The following SLC37A1 variants were observed in gnomAD, a reference collection of about 807,000 sequenced individuals.
The protein encoded by SLC37A1 is glucose-6-phosphate exchanger SLC37A1.
SLC37A1 carries 49 observed loss-of-function variants against 75.3 expected under a neutral mutation model. The observed-to-expected ratio is 0.65, with a 90% confidence interval of 0.52 to 0.83. SLC37A1 has a LOEUF of 0.83. Ranked by LOEUF, SLC37A1 falls within the 40% of genes least tolerant of loss-of-function variation. The pLI is 0.00. For missense variants in SLC37A1, 566 were observed against 695.0 expected (o/e 0.81, Z 2.09); for synonymous variants, 268 against 292.1 (o/e 0.92, Z 0.84).
At chr21:42,535,414 T>C in intron 4 of SLC37A1, 58 bp from the exon 5 acceptor site, 2 of 1,446,416 alleles carry the variant, frequency 1.4e-6, no homozygotes, top group South Asian at 1.1e-5. Context: ...ATAGCCGTGC[T>C]CTAGAACATA....
chr21:42,522,873 T>C (rs2146736548), intron 2 of SLC37A1, among the ~76,000 whole-genome samples: 1 of 152,372 alleles, frequency 6.6e-6, no homozygotes, highest in South Asian at 2.1e-4. Context: ...TGCTCCTCAG[T>C]GTTCTCAGGG....
At chr21:42,507,635 A>G (rs2054396155) in intron 2 of SLC37A1, among the ~76,000 whole-genome samples, 1 of 152,238 alleles carries the variant, frequency 6.6e-6, no homozygotes, top group Non-Finnish European at 1.5e-5. Context: ...AACAAGAAGC[A>G]TGGCACCAGC....
At chr21:42,568,574 A>G (rs1229426309) in intron 17 of SLC37A1, 136 bp downstream of exon 17, 2 of 828,710 alleles carry the variant, frequency 2.4e-6, no homozygotes, top group South Asian at 3.1e-5. Flanking sequence ...ATACGAGCAG[A>G]TGAGCAGGGG....
intron 1 of SLC37A1, among the ~76,000 whole-genome samples, chr21:42,501,422 T>C (rs1376432718): frequency 1.3e-5 from 2 of 152,038 alleles, no homozygotes; most frequent in African/African-American, 4.8e-5. Flanking sequence ...TTAAAAAAAT[T>C]TACCAGGGCC....
chr21:42,513,013 C>T (rs113965779), upstream of SLC37A1, among the ~76,000 whole-genome samples: 126 of 152,298 alleles, frequency 8.3e-4, 1 homozygote, highest in African/African-American at 2.8e-3. Context: ...TGGTTTTATC[C>T]TTAAACATTG....
chr21:42,566,396 G>A (rs560436917), intron 15 of SLC37A1, among the ~76,000 whole-genome samples: 3 of 152,258 alleles, frequency 2.0e-5, no homozygotes, highest in East Asian at 1.9e-4. Flanking sequence ...CTCCAGGAGC[G>A]GTTGCGTAAC....
intron 11 of SLC37A1, among the ~76,000 whole-genome samples, chr21:42,560,739 G>A (rs551299426): frequency 6.6e-6 from 1 of 152,358 alleles, no homozygotes; most frequent in African/African-American, 2.4e-5. Context: ...CTGGGTTTAA[G>A]TAAAAAGATT....
chr21:42,562,012 T>C, intron 11 of SLC37A1, 66 bp from the exon 12 acceptor site: 1 of 1,307,572 alleles, frequency 7.6e-7, no homozygotes, highest in South Asian at 1.2e-5. Context: ...TTTAACTCTG[T>C]TGCATGTTTA....
rs971928190 is a variant in SLC37A1 at position 42,525,842 on chromosome 21, T to A, written c.123T>A (p.Pro41=). Reference sequence around the variant, plus strand: ...CAAGTTTTCACTTATCTCGAAAGCCTATCAGCATAGTTAAGGTAAGAATCA... The same window carrying A: ...CAAGTTTTCACTTATCTCGAAAGCCAATCAGCATAGTTAAGGTAAGAATCA... The part of the protein sequence containing the change: ...LYASFHLSRK[P]ISIVKGELHK... Residue 41 remains proline (P), a synonymous_variant, in exon 3 of 20, where the codon CCT becomes CCA. Coordinates refer to ENST00000352133, the MANE Select transcript of SLC37A1 (RefSeq NM_001320537.2). The A allele has an allele frequency of 9.3e-6, 15 of 1,613,684 alleles. No individual in the cohort carries two copies. The highest frequency in any genetic ancestry group is 1.3e-5 in the Non-Finnish European group (15 of 1,179,586).
At chr21:42,571,999 G>T (rs1295783292) in intron 17 of SLC37A1, among the ~76,000 whole-genome samples, 1 of 152,142 alleles carries the variant, frequency 6.6e-6, no homozygotes, top group Non-Finnish European at 1.5e-5. Flanking sequence ...TAGCAGTCTA[G>T]ACCCCTGTTT....
At chr21:42,542,505 A>C (rs2055309000) in intron 7 of SLC37A1, 25 bp downstream of exon 7, 1 of 1,612,676 alleles carries the variant, frequency 6.2e-7, no homozygotes, top group Non-Finnish European at 8.5e-7. Flanking sequence ...CCCTGTTTCC[A>C]ATAGCAGATG....
In SLC37A1 at chr21:42,543,591, T is replaced by G. The variant is rs1245396523; in HGVS notation, c.719T>G (p.Phe240Cys). 3.1e-6 allele frequency: 5 copies of G among 1,602,740 alleles called. No individual in the cohort carries two copies. The highest frequency in any genetic ancestry group is 4.3e-6 in the Non-Finnish European group (5 of 1,173,576). Residue 240 changes from phenylalanine (F) to cysteine (C), a missense_variant, in exon 8 of 20, where the codon TTC (phenylalanine) becomes TGC (cysteine). Coordinates refer to ENST00000352133, the MANE Select transcript of SLC37A1 (RefSeq NM_001320537.2). Reference sequence around the variant, plus strand: ...GCCATGGGGATAGTGTGCTTTCTCTTCCTCATTGAACGTAAGTGCACGTGG... The same window carrying G: ...GCCATGGGGATAGTGTGCTTTCTCTGCCTCATTGAACGTAAGTGCACGTGG... ...VAAMGIVCFL[F>C]LIEHPNDVRC... is the part of the protein sequence containing the mutation.
At chr21:42,503,739 T>A (rs951044627) in intron 2 of SLC37A1, among the ~76,000 whole-genome samples, 1 of 152,170 alleles carries the variant, frequency 6.6e-6, no homozygotes, top group African/African-American at 2.4e-5. Context: ...AATTATCTAG[T>A]TACTAGGACA....
intron 12 of SLC37A1, 120 bp from the exon 13 acceptor site, chr21:42,563,695 C>T (rs888390993): frequency 1.7e-5 from 14 of 808,138 alleles, no homozygotes; most frequent in African/African-American, 3.4e-5. Flanking sequence ...AATTGCTCCT[C>T]GGTATAAATC....
chr21:42,559,035 G>A lies in SLC37A1; in HGVS notation c.927G>A (p.Gly309=). 1 of 1,613,812 alleles carries A rather than the reference G, an allele frequency of 6.2e-7. No homozygotes were observed. The highest frequency in any genetic ancestry group is 8.5e-7 in the Non-Finnish European group (1 of 1,179,916). The part of the protein sequence containing the change: ...IHPNHVVILP[G]DGGSGTAAIS... The stretch of plus-strand genomic sequence containing the variant: ...CGAACCACGTCGTCATTCTCCCCGG[G>A]GACGGTGGGAGTGGCACGGCCGCCA... The change falls in exon 11 of 20, where the codon GGG becomes GGA. Residue 309 remains glycine (G), a synonymous_variant. Coordinates refer to ENST00000352133, the MANE Select transcript of SLC37A1 (RefSeq NM_001320537.2).
exon 2 of SLC37A1, chr21:42,502,388 A>G (rs1159135663): frequency 6.6e-6 from 1 of 151,688 alleles, no homozygotes; most frequent in Non-Finnish European, 1.5e-5. Context: ...ACCAAAACAG[A>G]GTGTGGGACT....
chr21:42,521,630 C>T (rs2054651862), intron 2 of SLC37A1, among the ~76,000 whole-genome samples: 1 of 152,232 alleles, frequency 6.6e-6, no homozygotes, highest in Non-Finnish European at 1.5e-5. Context: ...GGGGCACCCC[C>T]ATCTGGTGCT....
chr21:42,579,523 T>TTCCCTCATCAGACA, intron 18 of SLC37A1, among the ~76,000 whole-genome samples: 1 of 152,106 alleles, frequency 6.6e-6, no homozygotes, highest in South Asian at 2.1e-4. Flanking sequence ...CAGACAGCCC[T>TTCCCTCATCAGACA]GCCCTCATCA....
intron 2 of SLC37A1, among the ~76,000 whole-genome samples, chr21:42,520,947 C>T (rs2146725510): frequency 6.6e-6 from 1 of 152,260 alleles, no homozygotes; most frequent in South Asian, 2.1e-4. Flanking sequence ...AATGATAGCC[C>T]ATTGAATAGC....
Sources: allele counts gnomAD v4.1 joint callset (sites outside exome capture counted in the v4.1 genomes callset), GRCh38; gene constraint gnomAD v4.1.1; transcripts MANE v1.5; gene names NCBI Gene and HGNC (gene_info 2026-07-23, HGNC 2026-07-21).